DLGAP2: variants seen among roughly 807,000 people sequenced by gnomAD.
DLGAP2 encodes the protein disks large-associated protein 2.
A neutral mutation model predicts 100.3 loss-of-function variants in DLGAP2; 26 were observed. The ratio of observed to expected loss-of-function variants is 0.26; its 90% CI spans 0.19 to 0.36. The LOEUF (loss-of-function observed/expected upper bound fraction) is 0.36. Ranked by LOEUF, DLGAP2 falls within the 10% of genes least tolerant of loss-of-function variation. The pLI is 1.00. For synonymous variants in DLGAP2, 886 were observed against 630.1 expected (o/e 1.41, Z -6.08); for missense variants, 1,858 against 1,453.2 (o/e 1.28, Z -4.53).
intron 8 of DLGAP2, among the ~76,000 whole-genome samples, chr8:1,664,322 T>G (rs1489238677): frequency 6.6e-6 from 1 of 152,186 alleles, no homozygotes; most frequent in Non-Finnish European, 1.5e-5. Context: ...TGGCCCGTCC[T>G]ACTCCTGCTT....
chr8:964,566 A>G (rs926981885), intron 2 of DLGAP2, among the ~76,000 whole-genome samples: 2 of 152,236 alleles, frequency 1.3e-5, no homozygotes, highest in South Asian at 2.1e-4. Flanking sequence ...TGTTGCTGGT[A>G]TCTGCCGTGT....
At chr8:788,158 G>A (rs1821925765) in intron 1 of DLGAP2, among the ~76,000 whole-genome samples, 1 of 152,380 alleles carries the variant, frequency 6.6e-6, no homozygotes, top group African/African-American at 2.4e-5. Flanking sequence ...TGTGGTAGAA[G>A]ATGGGTGAAG....
intron 2 of DLGAP2, among the ~76,000 whole-genome samples, chr8:1,021,550 C>T (rs1450903162): frequency 2.0e-5 from 3 of 152,302 alleles, no homozygotes; most frequent in Non-Finnish European, 2.9e-5. Flanking sequence ...CAGGCAGACA[C>T]CTGTCTTGGC....
chr8:758,343 G>C (rs1371617320), intron 1 of DLGAP2, among the ~76,000 whole-genome samples: 1 of 152,086 alleles, frequency 6.6e-6, no homozygotes, highest in Non-Finnish European at 1.5e-5. Context: ...GGGTTACCTC[G>C]TTTCCCTGTT....
chr8:886,450 T>C (rs960946197), intron 1 of DLGAP2, among the ~76,000 whole-genome samples: 4 of 152,198 alleles, frequency 2.6e-5, no homozygotes, highest in Non-Finnish European at 5.9e-5. Flanking sequence ...ATAGCTCTTA[T>C]AATTGCACTG....
At chr8:1,217,859 A>G (rs762824736) in intron 2 of DLGAP2, among the ~76,000 whole-genome samples, 1 of 152,066 alleles carries the variant, frequency 6.6e-6, no homozygotes, top group Non-Finnish European at 1.5e-5. Flanking sequence ...ATGAGTAGTG[A>G]TGTTTAGGAT....
chr8:1,620,309 G>A (rs1797290235), intron 6 of DLGAP2: 1 of 152,186 alleles, frequency 6.6e-6, no homozygotes, highest in Non-Finnish European at 1.5e-5. Context: ...CGGGTGCCCA[G>A]GAGCGTCCCC....
intron 2 of DLGAP2, among the ~76,000 whole-genome samples, chr8:1,130,215 G>C (rs1369434325): frequency 6.6e-6 from 1 of 152,170 alleles, no homozygotes; most frequent in African/African-American, 2.4e-5. Context: ...GTGCGTTATT[G>C]ACAAACGCAC....
At chr8:907,508 C>T (rs1798404492) in intron 1 of DLGAP2, among the ~76,000 whole-genome samples, 1 of 152,166 alleles carries the variant, frequency 6.6e-6, no homozygotes, top group Admixed American at 6.5e-5. Context: ...TCTGGAAGAC[C>T]CAGCACAATG....
chr8:1,191,118 A>G (rs952642792), intron 2 of DLGAP2, among the ~76,000 whole-genome samples: 4 of 152,090 alleles, frequency 2.6e-5, no homozygotes, highest in African/African-American at 7.2e-5. Context: ...GATGTCTTGC[A>G]ATACATTTTG....
chr8:853,492 C>T (rs140808758), intron 1 of DLGAP2, among the ~76,000 whole-genome samples: 1 of 152,166 alleles, frequency 6.6e-6, no homozygotes, highest in Non-Finnish European at 1.5e-5. Context: ...GGATGCCCCT[C>T]ATCAGTTAGG....
chr8:1,335,232 C>G (rs926481768), intron 3 of DLGAP2, among the ~76,000 whole-genome samples: 1 of 152,158 alleles, frequency 6.6e-6, no homozygotes, highest in Non-Finnish European at 1.5e-5. Context: ...CAGGAGGCTT[C>G]GAGCTCCAAA....
intron 2 of DLGAP2, among the ~76,000 whole-genome samples, chr8:1,206,815 C>T (rs1266386843): frequency 6.6e-6 from 1 of 152,240 alleles, no homozygotes; most frequent in African/African-American, 2.4e-5. Flanking sequence ...GGCTAAGGCT[C>T]CACGGGCCCC....
intron 8 of DLGAP2, among the ~76,000 whole-genome samples, chr8:1,641,840 G>A (rs1797907541): frequency 6.6e-6 from 1 of 152,004 alleles, no homozygotes; most frequent in African/African-American, 2.4e-5. Flanking sequence ...TTGTGGAGAT[G>A]GAAGTACTGT....
chr8:772,720 G>A (rs572901099), intron 1 of DLGAP2, among the ~76,000 whole-genome samples: 6 of 152,336 alleles, frequency 3.9e-5, no homozygotes, highest in African/African-American at 9.6e-5. Context: ...GACAGGCAAC[G>A]TTACAGGTGT....
chr8:1,036,315 C>T (rs1346456376), intron 2 of DLGAP2, among the ~76,000 whole-genome samples: 1 of 152,270 alleles, frequency 6.6e-6, no homozygotes, highest in African/African-American at 2.4e-5. Flanking sequence ...GTAAACATGC[C>T]ACAGCACCCC....
chr8:1,282,766 G>A (rs1360694784), intron 3 of DLGAP2, among the ~76,000 whole-genome samples: 2 of 110,438 alleles, frequency 1.8e-5, no homozygotes, highest in Non-Finnish European at 3.7e-5. Context: ...CCAGCCCCCT[G>A]AACCATACGG....
intron 3 of DLGAP2, among the ~76,000 whole-genome samples, chr8:1,457,608 T>C (rs1798350232): frequency 6.6e-6 from 1 of 152,170 alleles, no homozygotes; most frequent in African/African-American, 2.4e-5. Flanking sequence ...AATAAACTGA[T>C]ATCTGGTATT....
At chr8:948,315 G>T (rs1482947825) in intron 2 of DLGAP2, among the ~76,000 whole-genome samples, 1 of 152,238 alleles carries the variant, frequency 6.6e-6, no homozygotes. Flanking sequence ...CTCCTCATGC[G>T]TGTCGCCTGC....
Sources: gnomAD v4.1 joint callset for allele counts (sites outside exome capture counted in the v4.1 genomes callset) on GRCh38, gnomAD v4.1.1 for gene constraint, MANE v1.5 for transcripts, NCBI Gene and HGNC (gene_info 2026-07-23, HGNC 2026-07-21) for gene names.